Variants in ZDHHC14 observed in about 807,000 individuals in gnomAD.
ZDHHC14 encodes the protein zDHHC palmitoyltransferase 14.
ZDHHC14 carries 16 observed loss-of-function variants against 47.7 expected under a neutral mutation model. The ratio of observed to expected loss-of-function variants is 0.34; its 90% confidence interval spans 0.23 to 0.51. ZDHHC14 has a LOEUF of 0.51. Among genes scored for constraint, ZDHHC14 ranks in the 20% least tolerant of loss-of-function variants. The pLI, the probability that ZDHHC14 is intolerant of heterozygous loss-of-function variation, is 0.97. For missense variants in ZDHHC14, 515 were observed against 662.5 expected (o/e 0.78, Z 2.44); for synonymous variants, 293 against 278.9 (o/e 1.05, Z -0.50).
chr6:157,597,987 G>T (rs535400429), intron 3 of ZDHHC14, among the ~76,000 whole-genome samples: 2 of 152,130 alleles, frequency 1.3e-5, no homozygotes, highest in Admixed American at 6.5e-5. Flanking sequence ...CCTCTTTTTG[G>T]CTGTGCTCTT....
At chr6:157,434,337 G>C (rs1296557669) in intron 1 of ZDHHC14, among the ~76,000 whole-genome samples, 1 of 151,894 alleles carries the variant, frequency 6.6e-6, no homozygotes, top group African/African-American at 2.4e-5. Flanking sequence ...GATTTCCCCT[G>C]TTAGGGTCCT....
At chr6:157,608,959 C>T (rs560645226) in intron 3 of ZDHHC14, among the ~76,000 whole-genome samples, 32 of 152,292 alleles carry the variant, frequency 2.1e-4, no homozygotes, top group African/African-American at 7.0e-4. Flanking sequence ...GGACTTGATA[C>T]TTCATTAAAT....
At chr6:157,504,263 A>G (rs902267413) in intron 1 of ZDHHC14, among the ~76,000 whole-genome samples, 2 of 151,696 alleles carry the variant, frequency 1.3e-5, no homozygotes, top group Non-Finnish European at 2.9e-5. Flanking sequence ...GCTGGAGTGC[A>G]GTGGCGCGAT....
chr6:157,493,863 C>T (rs2114730624), intron 1 of ZDHHC14, among the ~76,000 whole-genome samples: 1 of 152,348 alleles, frequency 6.6e-6, no homozygotes, highest in South Asian at 2.1e-4. Flanking sequence ...CCCAGGGTCA[C>T]TGTGTCCCTC....
intron 1 of ZDHHC14, among the ~76,000 whole-genome samples, chr6:157,527,773 G>T (rs950597679): frequency 6.6e-6 from 1 of 152,200 alleles, no homozygotes; most frequent in African/African-American, 2.4e-5. Context: ...TTCTGGAAAT[G>T]GAAAGACTGT....
chr6:157,522,992 TTTTC>T, intron 1 of ZDHHC14, among the ~76,000 whole-genome samples: 4 of 127,300 alleles, frequency 3.1e-5, no homozygotes, highest in Non-Finnish European at 3.2e-5. Flanking sequence ...TTTTCTTTTC[TTTTC>T]TTTTCTTTTC....
chr6:157,386,045 C>T (rs186093858), intron 1 of ZDHHC14, among the ~76,000 whole-genome samples: 15 of 152,202 alleles, frequency 9.9e-5, no homozygotes, highest in Non-Finnish European at 1.9e-4. Flanking sequence ...CAGTGTTTGG[C>T]ACATAGCAAG....
chr6:157,610,352 A>C (rs1369388332), intron 3 of ZDHHC14, among the ~76,000 whole-genome samples: 1 of 152,180 alleles, frequency 6.6e-6, no homozygotes, highest in Non-Finnish European at 1.5e-5. Flanking sequence ...GAATAGCGTG[A>C]ACCCGGGAGG....
At chr6:157,621,340 G>A (rs1176481339) in intron 3 of ZDHHC14, among the ~76,000 whole-genome samples, 2 of 151,750 alleles carry the variant, frequency 1.3e-5, no homozygotes, top group African/African-American at 4.9e-5. Context: ...TAATTTTGGA[G>A]GTAAAAAAGC....
chr6:157,576,362 T>A (rs1203865601), intron 2 of ZDHHC14, among the ~76,000 whole-genome samples: 1 of 152,192 alleles, frequency 6.6e-6, no homozygotes, highest in African/African-American at 2.4e-5. Flanking sequence ...TTGCTCTACT[T>A]TTTTCCCAAA....
intron 1 of ZDHHC14, 91 bp downstream of exon 1, chr6:157,382,357 T>A: frequency 4.2e-6 from 6 of 1,437,128 alleles, no homozygotes; most frequent in Non-Finnish European, 5.7e-6. Context: ...TTTCTAGAAG[T>A]CTTATCTACT....
chr6:157,536,819 C>CTTTTTTTTTTTTTTTTTTTTTTTTT (rs768063106), intron 1 of ZDHHC14, among the ~76,000 whole-genome samples: 1 of 97,988 alleles, frequency 1.0e-5, no homozygotes, highest in African/African-American at 6.4e-5. Flanking sequence ...CTCCATCTAT[C>CTTTTTTTTTTTTTTTTTTTTTTTTT]TTTTTTTTTT....
chr6:157,442,224 A>C (rs1020256166), intron 1 of ZDHHC14, among the ~76,000 whole-genome samples: 2 of 152,090 alleles, frequency 1.3e-5, no homozygotes, highest in Non-Finnish European at 2.9e-5. Context: ...AAACCAAAAA[A>C]ATACAAAAAT....
Position 157,398,750 on chromosome 6 carries a change from A to G in ZDHHC14, c.245+16484A>G, listed in dbSNP as rs540567177. On this transcript the variant is annotated intron_variant, in intron 1 of 8. Transcript: ENST00000359775. ...TTCTTATTTTGTAATACATTTTGCC[A>G]TTCTTACTTATTTTCCATTTTTTGC... Among the ~76,000 whole-genome samples the G allele has an allele frequency of 1.8e-4, 28 of 152,312 alleles. No homozygotes were observed. In the South Asian group the frequency reaches 5.4e-3, roughly 29 times the overall value.
chr6:157,649,943 C>T (rs139468010), intron 7 of ZDHHC14, among the ~76,000 whole-genome samples: 68 of 151,982 alleles, frequency 4.5e-4, no homozygotes, highest in African/African-American at 1.3e-3. Flanking sequence ...CCGTGCCAGG[C>T]GCTGGGGGTG....
chr6:157,422,771 G>T (rs148040817), intron 1 of ZDHHC14, among the ~76,000 whole-genome samples: 1 of 152,154 alleles, frequency 6.6e-6, no homozygotes, highest in East Asian at 1.9e-4. Flanking sequence ...CATTTGTATC[G>T]ACCCCTTCTG....
At chr6:157,540,910 GTATATATATATATATA>G (rs1554264587) in intron 1 of ZDHHC14, among the ~76,000 whole-genome samples, 1 of 122,992 alleles carries the variant, frequency 8.1e-6, no homozygotes, top group African/African-American at 4.3e-5. Flanking sequence ...GTGTGTGTGT[GTATATATATATATATA>G]TATATATAAT....
intron 8 of ZDHHC14, among the ~76,000 whole-genome samples, chr6:157,665,993 T>C (rs918959311): frequency 6.6e-6 from 1 of 152,210 alleles, no homozygotes; most frequent in Non-Finnish European, 1.5e-5. Flanking sequence ...CACATTTTCA[T>C]TATTGCTGCT....
At chr6:157,546,856 A>G (rs1781992003) in intron 2 of ZDHHC14, among the ~76,000 whole-genome samples, 1 of 152,186 alleles carries the variant, frequency 6.6e-6, no homozygotes, top group South Asian at 2.1e-4. Context: ...GTCTCTTCCC[A>G]CCCGTTCCAC....
Sources: allele counts gnomAD v4.1 joint callset (sites outside exome capture counted in the v4.1 genomes callset), GRCh38; gene constraint gnomAD v4.1.1; transcripts MANE v1.5; gene names NCBI Gene and HGNC (gene_info 2026-07-23, HGNC 2026-07-21).